The following JPH3 variants were observed in gnomAD, a reference collection of about 807,000 sequenced individuals.
JPH3 encodes the protein junctophilin 3.
Under a neutral mutation model 59.6 loss-of-function variants are expected in JPH3, and 11 were observed. That is an observed-to-expected ratio of 0.18 (90% CI 0.12 to 0.31). The LOEUF (loss-of-function observed/expected upper bound fraction) is 0.31. Among genes scored for constraint, JPH3 ranks in the 10% least tolerant of loss-of-function variants. JPH3 has a pLI of 1.00. For synonymous variants in JPH3, 673 were observed against 483.6 expected, an observed-to-expected ratio of 1.39 and a Z score of -5.14; for missense variants, 1,202 against 1,105.7, an observed-to-expected ratio of 1.09 and a Z score of -1.24.
Position 87,617,528 on chromosome 16 carries a change from A to C in JPH3, c.382+14000A>C, listed in dbSNP as rs528026159. Among the ~76,000 whole-genome samples the C allele has an allele frequency of 2.0e-5, 3 of 149,490 alleles. No individual in the cohort carries two copies. In the East Asian group the frequency reaches 6.1e-4, roughly 30 times the overall value. On this transcript the variant is annotated intron_variant, in intron 1 of 4. Transcript: ENST00000284262. ...CACTCTGGTGCTGGCAGGGCAGGGA[A>C]ATGGGGGGCCAGAGAGGAAGCTGGG...
At chr16:87,638,182 G>T (rs973350581) in intron 1 of JPH3, among the ~76,000 whole-genome samples, 2 of 152,124 alleles carry the variant, frequency 1.3e-5, no homozygotes, top group African/African-American at 4.8e-5. Context: ...GCCTCCCAAA[G>T]TGCTGAGATT....
rs2032459742 is a variant in JPH3 at position 87,655,281 on chromosome 16, G to T, written c.1160+10246G>T. Among the ~76,000 whole-genome samples, 3 of 152,230 alleles carry T rather than the reference G, an allele frequency of 2.0e-5. No homozygotes were observed. The South Asian group carries it at 6.2e-4, about 32-fold the overall frequency. The stretch of plus-strand genomic sequence containing the variant: ...CTCCGGCCTCCCTGCGTGGCCACCA[G>T]GGAAAATGGCTTCACTTTGCTGAGC... On this transcript the variant is annotated intron_variant, in intron 2 of 4. Coordinates refer to ENST00000284262, the MANE Select transcript of JPH3 (RefSeq NM_020655.4).
At chr16:87,619,981 G>A (rs899963680) in intron 1 of JPH3, among the ~76,000 whole-genome samples, 31 of 152,180 alleles carry the variant, frequency 2.0e-4, no homozygotes, top group Non-Finnish European at 2.9e-4. Flanking sequence ...GCCACCCTGG[G>A]ACCCAGTGCG....
At chr16:87,608,603 G>T (rs1226237090) in intron 1 of JPH3, among the ~76,000 whole-genome samples, 1 of 152,236 alleles carries the variant, frequency 6.6e-6, no homozygotes, top group African/African-American at 2.4e-5. Context: ...GCACCTTGGA[G>T]AGCGCTCCCG....
At chr16:87,674,783 T>C (rs190892717) in intron 2 of JPH3, among the ~76,000 whole-genome samples, 396 of 152,266 alleles carry the variant, frequency 2.6e-3, no homozygotes, top group African/African-American at 9.2e-3. Flanking sequence ...TATTTTGAGA[T>C]GGAGTCTTGC....
intron 2 of JPH3, among the ~76,000 whole-genome samples, chr16:87,671,036 G>C (rs998704300): frequency 6.6e-6 from 1 of 152,200 alleles, no homozygotes; most frequent in Non-Finnish European, 1.5e-5. Flanking sequence ...GGCCCGTACA[G>C]TCGCCCGGGA....
intron 1 of JPH3, among the ~76,000 whole-genome samples, chr16:87,631,880 T>C (rs748974169): frequency 1.3e-5 from 2 of 152,216 alleles, no homozygotes; most frequent in Non-Finnish European, 2.9e-5. Flanking sequence ...CCCTGGTCTT[T>C]CCTTTTTAAT....
intron 2 of JPH3, among the ~76,000 whole-genome samples, chr16:87,662,731 C>T (rs890428230): frequency 2.0e-5 from 3 of 152,222 alleles, no homozygotes; most frequent in Non-Finnish European, 4.4e-5. Context: ...TCCTCTGGCT[C>T]ATCTTGAAGT....
At chr16:87,601,927 T>C (rs2030209277), upstream of JPH3, 1 of 152,420 alleles carries the variant, frequency 6.6e-6, no homozygotes, top group Non-Finnish European at 1.5e-5. Context: ...CCCTGTTTTC[T>C]GGGGTAAGCC....
chr16:87,644,236 C>A, intron 1 of JPH3, 22 bp from the exon 2 acceptor site: 1 of 1,585,192 alleles, frequency 6.3e-7, no homozygotes, highest in Non-Finnish European at 8.6e-7. Flanking sequence ...GGGCACTCAC[C>A]CCTCTCTCAT....
At chr16:87,662,431 T>TC (rs2032735046) in intron 2 of JPH3, among the ~76,000 whole-genome samples, 1 of 152,150 alleles carries the variant, frequency 6.6e-6, no homozygotes, top group Admixed American at 6.5e-5. Context: ...TCTGATTTTT[T>TC]TTTTTTAGCA....
At position 87,603,555 on chromosome 16, in the gene JPH3, G is replaced by A. The variant is rs546197375; in HGVS notation, c.382+27G>A. The A allele has an allele frequency of 2.4e-3, 3,623 of 1,538,392 alleles. 51 individuals carry two copies. The South Asian group carries it at 0.029, about 12-fold the overall frequency. The stretch of plus-strand genomic sequence containing the variant: ...TAGGTGCCGCGGGCCGGGCCGGGCC[G>A]GGGCGGGAGGGACGTGCTTCCGATC... On this transcript the variant is annotated intron_variant, in intron 1 of 4. Coordinates refer to ENST00000284262, the MANE Select transcript of JPH3 (RefSeq NM_020655.4).
rs74621819 is a variant in JPH3, at chr16:87,630,600, C to G, written c.383-13658C>G. Among the ~76,000 whole-genome samples the G allele has an allele frequency of 8.1e-3, 1,232 of 152,236 alleles. 41 individuals are homozygous for G. Among genetic ancestry groups the G allele is most frequent in the Admixed American group, 0.065 (987 of 15,298 alleles). The stretch of plus-strand genomic sequence containing the variant: ...TGTGAGAATCTTCTCATAAACGCAT[C>G]TTTCCTTCCCCTCCTCCTTAAAATT... On this transcript the variant is annotated intron_variant, in intron 1 of 4. Transcript: ENST00000284262.
In JPH3 at chr16:87,644,392, A is replaced by G. The variant is rs1051868573; in HGVS notation, c.517A>G (p.Asn173Asp). 1 of 1,612,540 alleles carries G rather than the reference A, an allele frequency of 6.2e-7. No homozygotes were observed. The highest frequency in any genetic ancestry group is 8.5e-7 in the Non-Finnish European group (1 of 1,179,790). The change falls in exon 2 of 5, where the codon AAC becomes GAC. Residue 173 changes from asparagine to aspartate, a missense_variant. Physicochemically the swap from Asn to Asp is conservative, Grantham distance 23. Transcript: ENST00000284262. ...SINSLRSEHT[N>D]GTALHPDASP... ...CAACTCCCTGCGCAGCGAGCACACC[A>G]ACGGCACGGCGCTGCATCCCGACGC...
intron 1 of JPH3, among the ~76,000 whole-genome samples, chr16:87,643,350 C>A (rs1352845859): frequency 6.6e-6 from 1 of 152,180 alleles, no homozygotes; most frequent in Non-Finnish European, 1.5e-5. Flanking sequence ...TGCTGAGAAC[C>A]CAGGTGCACA....
At chr16:87,659,370 GTCTC>G (rs2032620057) in intron 2 of JPH3, among the ~76,000 whole-genome samples, 1 of 56,676 alleles carries the variant, frequency 1.8e-5, no homozygotes, top group Non-Finnish European at 3.1e-5. Flanking sequence ...GAGTAAGACT[GTCTC>G]AAAAAAAAAA....
rs2142836528 is a variant in JPH3 at position 87,690,544 on chromosome 16, A to G, written c.2166+18A>G. ...CCAGTACGGTGAGTGGGCGGCCACC[A>G]GGCTGGTCCCAGTGGAGGCAACATC... On this transcript the variant is annotated intron_variant, in intron 4 of 4. Coordinates refer to ENST00000284262, the MANE Select transcript of JPH3 (RefSeq NM_020655.4). The G allele has an allele frequency of 6.9e-7, 1 of 1,455,200 alleles. No homozygotes were observed. Among genetic ancestry groups the G allele is most frequent in the African/African-American group, 1.4e-5 (1 of 70,038 alleles). The allele number at this position is 1,455,200 out of a possible 1,614,324, so 90.1% of individuals were successfully genotyped here. A position where few individuals can be genotyped will look rare whatever the true frequency, so the allele number is the denominator to read the frequency against.
At chr16:87,690,590 GT>G in intron 4 of JPH3, 64 bp downstream of exon 4, 1 of 1,398,378 alleles carries the variant, frequency 7.2e-7, no homozygotes, top group Non-Finnish European at 9.3e-7. Flanking sequence ...CTGACCTGGT[GT>G]TTCCTGAGGG....
rs374850833 is a variant in JPH3 at position 87,653,738 on chromosome 16, T to C, written c.1160+8703T>C. The C allele has an allele frequency of 3.3e-5, 5 of 152,222 alleles. No homozygotes were observed. In the East Asian group the frequency reaches 7.7e-4, roughly 24 times the overall value. The allele number at this position is 152,222 out of a possible 1,614,324, so 9.4% of individuals were successfully genotyped here. Reference sequence around the variant, plus strand: ...ATGTGATCGTGACTGTAATTGGAAATAGGGTCGTTGCAGATATAATTAAGA... The same window carrying C: ...ATGTGATCGTGACTGTAATTGGAAACAGGGTCGTTGCAGATATAATTAAGA... On this transcript the variant is annotated intron_variant, in intron 2 of 4. Transcript: ENST00000284262.
Sources: gnomAD v4.1 joint callset for allele counts (sites outside exome capture counted in the v4.1 genomes callset) on GRCh38, gnomAD v4.1.1 for gene constraint, MANE v1.5 for transcripts, NCBI Gene and HGNC (gene_info 2026-07-23, HGNC 2026-07-21) for gene names.